SPIDR: variants seen among roughly 807,000 people sequenced by gnomAD.
SPIDR encodes the protein DNA repair-scaffolding protein.
A neutral mutation model predicts 104.6 loss-of-function variants in SPIDR; 93 were observed. That is an observed-to-expected ratio of 0.89 (90% CI 0.75 to 1.06). The LOEUF (loss-of-function observed/expected upper bound fraction) is 1.06, where lower values mean the gene tolerates loss of function less well. Among genes scored for constraint, SPIDR ranks in the 50% least tolerant of loss-of-function variants. The pLI, the probability that SPIDR is intolerant of heterozygous loss-of-function variation, is 0.00. For synonymous variants in SPIDR, 431 were observed against 416.9 expected, an observed-to-expected ratio of 1.03 and a Z score of -0.41; for missense variants, 1,154 against 1,111.2, an observed-to-expected ratio of 1.04 and a Z score of -0.55.
chr8:47,615,512 G>A lies in SPIDR; in HGVS notation c.1544+16316G>A, dbSNP rs562802887. 2.4e-4 allele frequency among the ~76,000 whole-genome samples: 31 copies of A among 129,726 alleles called. No homozygotes were observed. In the East Asian group the frequency reaches 5.7e-3, roughly 24 times the overall value. The allele number at this position is 129,726 out of a possible 152,430, so 85.1% of individuals were successfully genotyped here. ...TTTTCGGCCAGAGTCTCACTCTGTC[G>A]CACAGGCTGGAATACAGTGGCACTA... On this transcript the variant is annotated intron_variant, in intron 10 of 19. Transcript: ENST00000297423.
chr8:47,415,654 A>C (rs782184418), intron 7 of SPIDR, among the ~76,000 whole-genome samples: 1 of 152,198 alleles, frequency 6.6e-6, no homozygotes, highest in Non-Finnish European at 1.5e-5. Context: ...AGAAGAATCC[A>C]ACTGTGAGAA....
At chr8:47,335,933 T>A (rs1355620520) in intron 5 of SPIDR, among the ~76,000 whole-genome samples, 3 of 152,072 alleles carry the variant, frequency 2.0e-5, no homozygotes, top group Admixed American at 6.6e-5. Context: ...TTTTTTTTTT[T>A]AATTCTGCAT....
intron 5 of SPIDR, among the ~76,000 whole-genome samples, chr8:47,380,564 G>A (rs782373270): frequency 2.0e-5 from 3 of 151,876 alleles, no homozygotes; most frequent in Non-Finnish European, 4.4e-5. Context: ...CTCTTGCCCC[G>A]CTGTCTGTCA....
At position 47,601,126 on chromosome 8, in the gene SPIDR, C is replaced by T. The variant is rs137933512; in HGVS notation, c.1544+1930C>T. Among the ~76,000 whole-genome samples, 91 of 152,240 alleles carry T rather than the reference C, an allele frequency of 6.0e-4. 2 individuals are homozygous for T. In the East Asian group the frequency reaches 0.017, roughly 28 times the overall value. ...GTGGTGACATATCTAATGAGAATAT[C>T]CTTGTGGTAGACTGAAAGAAGGCCA... On this transcript the variant is annotated intron_variant, in intron 10 of 19. Transcript: ENST00000297423.
At chr8:47,587,391 GT>G (rs2060360433) in intron 8 of SPIDR, among the ~76,000 whole-genome samples, 1 of 151,912 alleles carries the variant, frequency 6.6e-6, no homozygotes, top group African/African-American at 2.4e-5. Context: ...ATTACTTGAG[GT>G]CAGGACTTCA....
Position 47,313,276 on chromosome 8 carries a change from C to G in SPIDR, c.525+19246C>G, listed in dbSNP as rs1478789522. 6.6e-5 allele frequency among the ~76,000 whole-genome samples: 10 copies of G among 152,246 alleles called. No homozygotes were observed. In the South Asian group the frequency reaches 1.0e-3, roughly 16 times the overall value. On this transcript the variant is annotated intron_variant, in intron 5 of 19. Transcript: ENST00000297423. ...TTCTTCTAGACCAATAACAGACAAA[C>G]AGAGAGCCAAATCATGAGTGAACTC... is the stretch of plus-strand genomic sequence containing the variant.
At chr8:47,489,195 T>C (rs2078233068) in intron 8 of SPIDR, among the ~76,000 whole-genome samples, 1 of 152,174 alleles carries the variant, frequency 6.6e-6, no homozygotes, top group Non-Finnish European at 1.5e-5. Context: ...ACAAGCATTC[T>C]TATACACCAA....
At chr8:47,591,389 T>C (rs1303580509) in intron 8 of SPIDR, among the ~76,000 whole-genome samples, 1 of 151,710 alleles carries the variant, frequency 6.6e-6, no homozygotes, top group Non-Finnish European at 1.5e-5. Flanking sequence ...CCGTGAAGTA[T>C]AGAAACCATA....
chr8:47,550,042 T>A (rs1782108666), intron 8 of SPIDR, among the ~76,000 whole-genome samples: 1 of 152,240 alleles, frequency 6.6e-6, no homozygotes, highest in South Asian at 2.1e-4. Flanking sequence ...CCATTTCTTG[T>A]TTTTGTCAGA....
chr8:47,657,255 T>G (rs1181606748), intron 10 of SPIDR, among the ~76,000 whole-genome samples: 1 of 152,194 alleles, frequency 6.6e-6, no homozygotes, highest in Non-Finnish European at 1.5e-5. Flanking sequence ...GCATAATAGC[T>G]TGTTTTACTT....
intron 10 of SPIDR, among the ~76,000 whole-genome samples, chr8:47,635,492 A>G (rs1228924704): frequency 3.3e-5 from 5 of 152,182 alleles, no homozygotes; most frequent in Non-Finnish European, 7.3e-5. Flanking sequence ...AAATATATAC[A>G]CGTACTATGT....
chr8:47,262,752 A>G (rs1307395416), intron 1 of SPIDR, among the ~76,000 whole-genome samples: 1 of 152,186 alleles, frequency 6.6e-6, no homozygotes, highest in Non-Finnish European at 1.5e-5. Flanking sequence ...GGAGGTGGGG[A>G]TCACAGGGGC....
chr8:47,572,196 T>G (rs945626855), intron 8 of SPIDR, among the ~76,000 whole-genome samples: 4 of 152,212 alleles, frequency 2.6e-5, no homozygotes, highest in African/African-American at 7.2e-5. Flanking sequence ...ATATCAATAA[T>G]CTGTTTATTT....
At chr8:47,542,990 G>A (rs1351689553) in intron 8 of SPIDR, among the ~76,000 whole-genome samples, 1 of 152,222 alleles carries the variant, frequency 6.6e-6, no homozygotes, top group Admixed American at 6.5e-5. Context: ...ATTTTCTGGA[G>A]ATTCATCCCA....
intron 5 of SPIDR, among the ~76,000 whole-genome samples, chr8:47,330,517 A>T (rs1473457911): frequency 2.0e-5 from 3 of 152,158 alleles, no homozygotes; most frequent in Non-Finnish European, 4.4e-5. Context: ...CCTAGTAATC[A>T]TTCTCTCCAC....
chr8:47,324,410 T>C (rs1554599006), intron 5 of SPIDR, among the ~76,000 whole-genome samples: 1 of 152,082 alleles, frequency 6.6e-6, no homozygotes, highest in African/African-American at 2.4e-5. Context: ...AGGTCAGATG[T>C]CTACATTTAA....
chr8:47,490,647 C>G (rs2078537043), intron 8 of SPIDR, among the ~76,000 whole-genome samples: 1 of 152,084 alleles, frequency 6.6e-6, no homozygotes, highest in Non-Finnish European at 1.5e-5. Flanking sequence ...ACATATACAC[C>G]ATGGAATACT....
At chr8:47,537,919 G>A (rs989711108) in intron 8 of SPIDR, among the ~76,000 whole-genome samples, 3 of 152,192 alleles carry the variant, frequency 2.0e-5, no homozygotes, top group Non-Finnish European at 4.4e-5. Context: ...GCTCACACCT[G>A]TAATCCCAAC....
intron 5 of SPIDR, among the ~76,000 whole-genome samples, chr8:47,353,690 ATTTAAATCTATACT>A (rs1554623903): frequency 2.7e-5 from 4 of 147,406 alleles, no homozygotes; most frequent in Non-Finnish European, 5.9e-5. Context: ...TTTAAAATTG[ATTTAAATCTATACT>A]GAGATTTTTT....
Sources: allele counts gnomAD v4.1 joint callset (sites outside exome capture counted in the v4.1 genomes callset), GRCh38; gene constraint gnomAD v4.1.1; transcripts MANE v1.5; gene names NCBI Gene and HGNC (gene_info 2026-07-23, HGNC 2026-07-21).